EPHB1: variants seen among roughly 807,000 people sequenced by gnomAD.
The protein encoded by EPHB1 is ephrin type-B receptor 1.
EPHB1 carries 30 observed loss-of-function variants against 94.4 expected under a neutral mutation model. The observed-to-expected ratio is 0.32, with a 90% CI of 0.24 to 0.43. The LOEUF is 0.43. Among genes scored for constraint, EPHB1 ranks in the 20% least tolerant of loss-of-function variants. The pLI, the probability that EPHB1 is intolerant of heterozygous loss-of-function variation, is 1.00. For synonymous variants in EPHB1, 522 were observed against 489.1 expected (o/e 1.07, Z -0.89); for missense variants, 1,055 against 1,308.3 (o/e 0.81, Z 2.99).
At chr3:134,855,977 A>G (rs114299456) in intron 1 of EPHB1, among the ~76,000 whole-genome samples, 2,099 of 152,288 alleles carry the variant, frequency 0.014, 43 homozygotes, top group African/African-American at 0.045. Context: ...TGTAGCTACT[A>G]AAGGGTGGAG....
intron 1 of EPHB1, among the ~76,000 whole-genome samples, chr3:134,830,143 T>A (rs191342607): frequency 6.6e-6 from 1 of 152,310 alleles, no homozygotes; most frequent in East Asian, 1.9e-4. Flanking sequence ...TGCTCATTCC[T>A]CCCCTGCACA....
chr3:135,255,981 T>G, intron 15 of EPHB1, among the ~76,000 whole-genome samples: 1 of 148,710 alleles, frequency 6.7e-6, no homozygotes, highest in South Asian at 2.2e-4. Flanking sequence ...AATGGCCTTC[T>G]TTGTCTCTTT....
chr3:135,024,311 T>A (rs71334094), intron 3 of EPHB1, among the ~76,000 whole-genome samples: 1 of 152,230 alleles, frequency 6.6e-6, no homozygotes, highest in African/African-American at 2.4e-5. Flanking sequence ...TTCCATATTG[T>A]TTATTTTCAT....
At chr3:135,220,069 C>T (rs1233597717) in intron 12 of EPHB1, among the ~76,000 whole-genome samples, 1 of 152,158 alleles carries the variant, frequency 6.6e-6, no homozygotes, top group Non-Finnish European at 1.5e-5. Flanking sequence ...AAAACCAGCA[C>T]TATCAAGGCT....
intron 1 of EPHB1, among the ~76,000 whole-genome samples, chr3:134,815,866 C>A (rs2108287835): frequency 6.6e-6 from 1 of 152,304 alleles, no homozygotes; most frequent in Non-Finnish European, 1.5e-5. Flanking sequence ...CTGAAGTGAA[C>A]ACCCATGCCA....
intron 1 of EPHB1, among the ~76,000 whole-genome samples, chr3:134,891,725 A>G (rs772670527): frequency 7.2e-5 from 11 of 152,222 alleles, no homozygotes; most frequent in Non-Finnish European, 1.2e-4. Flanking sequence ...CTTACTTAGG[A>G]CATTTGCATT....
chr3:134,800,015 G>T (rs1255444952), intron 1 of EPHB1, among the ~76,000 whole-genome samples: 1 of 152,080 alleles, frequency 6.6e-6, no homozygotes, highest in Non-Finnish European at 1.5e-5. Flanking sequence ...TTGTGAACTC[G>T]GGGCAATGAA....
chr3:134,823,499 C>T (rs141652155), intron 1 of EPHB1, among the ~76,000 whole-genome samples: 181 of 152,284 alleles, frequency 1.2e-3, no homozygotes, highest in African/African-American at 4.0e-3. Flanking sequence ...ACCTGCCTTC[C>T]CTCAGGCTCC....
chr3:135,219,530 G>A (rs1250823556), intron 12 of EPHB1, among the ~76,000 whole-genome samples: 1 of 152,064 alleles, frequency 6.6e-6, no homozygotes, highest in African/African-American at 2.4e-5. Context: ...AGCAAGTCAG[G>A]ATTCTCCCCT....
intron 9 of EPHB1, among the ~76,000 whole-genome samples, chr3:135,176,099 G>A (rs1380880681): frequency 6.6e-6 from 1 of 152,080 alleles, no homozygotes; most frequent in Non-Finnish European, 1.5e-5. Context: ...GCAGGAGGGA[G>A]GTCTAGGAAG....
At chr3:135,254,836 C>T (rs1933301033) in intron 15 of EPHB1, among the ~76,000 whole-genome samples, 1 of 152,068 alleles carries the variant, frequency 6.6e-6, no homozygotes, top group African/African-American at 2.4e-5. Context: ...GCTGTGAATC[C>T]ATCTGGTCCT....
At chr3:135,107,684 G>A (rs1415123396) in intron 4 of EPHB1, among the ~76,000 whole-genome samples, 2 of 152,102 alleles carry the variant, frequency 1.3e-5, no homozygotes, top group African/African-American at 4.8e-5. Context: ...TGGACTCTTA[G>A]TAGAAGAATT....
At chr3:134,832,899 G>T (rs139239233) in intron 1 of EPHB1, among the ~76,000 whole-genome samples, 1 of 152,350 alleles carries the variant, frequency 6.6e-6, no homozygotes, top group East Asian at 1.9e-4. Flanking sequence ...TTAATGTTGC[G>T]TTCAATCACT....
At chr3:135,146,139 AG>A (rs1941002177) in intron 5 of EPHB1, among the ~76,000 whole-genome samples, 1 of 152,114 alleles carries the variant, frequency 6.6e-6, no homozygotes, top group African/African-American at 2.4e-5. Context: ...GAGGCAGGAA[AG>A]GGCACTCTGG....
At chr3:135,046,466 T>G (rs1937003015) in intron 3 of EPHB1, among the ~76,000 whole-genome samples, 1 of 152,188 alleles carries the variant, frequency 6.6e-6, no homozygotes, top group Admixed American at 6.5e-5. Context: ...TTAACATCTA[T>G]AAAAATTCCT....
intron 3 of EPHB1, among the ~76,000 whole-genome samples, chr3:135,040,504 A>G (rs528141401): frequency 2.0e-5 from 3 of 152,302 alleles, no homozygotes; most frequent in Middle Eastern, 3.4e-3. Flanking sequence ...ATTTGGTAAA[A>G]CAGGCCCAGC....
At chr3:135,109,412 A>C (rs907873616) in intron 4 of EPHB1, among the ~76,000 whole-genome samples, 7 of 152,214 alleles carry the variant, frequency 4.6e-5, no homozygotes, top group African/African-American at 1.7e-4. Context: ...AGTTATTATG[A>C]GGATTCAGCC....
intron 3 of EPHB1, among the ~76,000 whole-genome samples, chr3:135,071,223 A>G (rs1937696920): frequency 6.6e-6 from 1 of 152,182 alleles, no homozygotes; most frequent in Non-Finnish European, 1.5e-5. Flanking sequence ...CCACACACTG[A>G]TTTCCTTTGT....
intron 1 of EPHB1, among the ~76,000 whole-genome samples, chr3:134,834,333 G>A (rs1047282910): frequency 2.0e-4 from 31 of 152,148 alleles, no homozygotes; most frequent in African/African-American, 7.5e-4. Context: ...ACGCACATGT[G>A]ATCTTCTGAT....
Sources: allele counts gnomAD v4.1 joint callset (sites outside exome capture counted in the v4.1 genomes callset), GRCh38; gene constraint gnomAD v4.1.1; transcripts MANE v1.5; gene names NCBI Gene and HGNC (gene_info 2026-07-23, HGNC 2026-07-21).